The following NRG1 variants were observed in gnomAD, a reference collection of about 807,000 sequenced individuals.
NRG1 encodes the protein neuregulin 1, also known as pro-neuregulin-1, membrane-bound isoform.
Under a neutral mutation model 63.8 loss-of-function variants are expected in NRG1, and 18 were observed. The observed-to-expected ratio is 0.28, with a 90% CI of 0.19 to 0.42. NRG1 has a LOEUF of 0.42. Among genes scored for constraint, NRG1 ranks in the 10% least tolerant of loss-of-function variants. The pLI is 1.00. For synonymous variants in NRG1, 302 were observed against 301.3 expected, an observed-to-expected ratio of 1.00 and a Z score of -0.02; for missense variants, 762 against 814.7, an observed-to-expected ratio of 0.94 and a Z score of 0.79.
chr8:32,738,158 A>G (rs1014663265), intron 6 of NRG1, among the ~76,000 whole-genome samples: 2 of 152,110 alleles, frequency 1.3e-5, no homozygotes, highest in Non-Finnish European at 2.9e-5. Flanking sequence ...ACAGATCATC[A>G]CAATACAGAT....
intron 1 of NRG1, among the ~76,000 whole-genome samples, chr8:32,454,414 A>G (rs73675188): frequency 0.021 from 3,256 of 152,048 alleles, 128 homozygotes; most frequent in African/African-American, 0.074. Flanking sequence ...TTTGACATGT[A>G]TTATTTGATG....
intron 1 of NRG1, among the ~76,000 whole-genome samples, chr8:31,960,163 G>A (rs1440711609): frequency 2.6e-5 from 4 of 152,190 alleles, no homozygotes; most frequent in Non-Finnish European, 5.9e-5. Context: ...GATTACTAAT[G>A]ACAGGTTGGA....
rs1253888808 is a variant in NRG1 at position 31,913,381 on chromosome 8, A to G, written c.37+273950A>G. Among the ~76,000 whole-genome samples the G allele has an allele frequency of 2.0e-5, 3 of 152,086 alleles. No homozygotes were observed. In the East Asian group the frequency reaches 5.8e-4, roughly 29 times the overall value. On this transcript the variant is annotated intron_variant, in intron 1 of 10. Coordinates refer to the NRG1 transcript ENST00000519301. ...CCATATGCCATATTTCTTTACAAAT[A>G]TTTTCCCATCATTCTTAGAAATAAA...
At chr8:31,858,373 A>G (rs1340769076) in intron 1 of NRG1, among the ~76,000 whole-genome samples, 1 of 152,202 alleles carries the variant, frequency 6.6e-6, no homozygotes, top group Non-Finnish European at 1.5e-5. Flanking sequence ...ATTTGAAGAA[A>G]ATTGGAAAGG....
chr8:31,749,599 T>C (rs905360099), intron 1 of NRG1, among the ~76,000 whole-genome samples: 1 of 151,964 alleles, frequency 6.6e-6, no homozygotes, highest in African/African-American at 2.4e-5. Context: ...TTTTTTCTTT[T>C]TCTTTTGTGC....
chr8:32,200,752 T>C (rs964754171), intron 1 of NRG1, among the ~76,000 whole-genome samples: 3 of 152,208 alleles, frequency 2.0e-5, no homozygotes, highest in Non-Finnish European at 4.4e-5. Context: ...CCTCGGCATG[T>C]AGAGTCTCAC....
intron 1 of NRG1, among the ~76,000 whole-genome samples, chr8:31,780,330 C>A (rs1178176257): frequency 2.0e-5 from 3 of 152,152 alleles, no homozygotes; most frequent in African/African-American, 7.2e-5. Context: ...CATGAAGCCA[C>A]ATTTTGGGCT....
At chr8:32,261,295 G>A (rs1850336493) in intron 1 of NRG1, among the ~76,000 whole-genome samples, 4 of 151,622 alleles carry the variant, frequency 2.6e-5, no homozygotes, top group Admixed American at 6.6e-5. Context: ...AGAATAACAC[G>A]TGTGTTACTA....
At chr8:31,913,289 TC>T (rs1293544387) in intron 1 of NRG1, among the ~76,000 whole-genome samples, 2 of 152,178 alleles carry the variant, frequency 1.3e-5, no homozygotes, top group African/African-American at 4.8e-5. Context: ...GGTGTGCTCT[TC>T]CCTCTTTATT....
At chr8:32,756,290 A>T in intron 8 of NRG1, 113 bp from the exon 9 acceptor site, 1 of 1,182,686 alleles carries the variant, frequency 8.5e-7, no homozygotes, top group South Asian at 1.6e-5. Context: ...CCTCTTCCTC[A>T]TCACCAGTCT....
At chr8:31,943,254 A>G (rs181000845) in intron 1 of NRG1, among the ~76,000 whole-genome samples, 34 of 152,292 alleles carry the variant, frequency 2.2e-4, no homozygotes, top group African/African-American at 7.9e-4. Flanking sequence ...GGAATTGGAG[A>G]TTATTATTCT....
At chr8:31,742,489 G>A (rs1815396758) in intron 1 of NRG1, among the ~76,000 whole-genome samples, 1 of 27,218 alleles carries the variant, frequency 3.7e-5, no homozygotes, top group South Asian at 6.5e-4. Context: ...TTTAACGAAA[G>A]CTATTGTCTT....
intron 1 of NRG1, among the ~76,000 whole-genome samples, chr8:32,151,967 A>G (rs1445122430): frequency 1.1e-4 from 16 of 152,236 alleles, no homozygotes; most frequent in Admixed American, 1.0e-3. Flanking sequence ...AGCCCCATCT[A>G]GACATGCCTT....
At chr8:31,653,050 C>G (rs1273515107) in intron 1 of NRG1, among the ~76,000 whole-genome samples, 1 of 134,918 alleles carries the variant, frequency 7.4e-6, no homozygotes, top group Admixed American at 8.0e-5. Context: ...CTCCTCTCCT[C>G]TCCTCTTGTC....
chr8:32,580,346 A>G (rs1032086034), intron 1 of NRG1, among the ~76,000 whole-genome samples: 1 of 152,152 alleles, frequency 6.6e-6, no homozygotes, highest in Non-Finnish European at 1.5e-5. Flanking sequence ...ATTTGTTTCC[A>G]CTTGTCTCAA....
intron 1 of NRG1, among the ~76,000 whole-genome samples, chr8:31,665,654 T>A (rs1239815237): frequency 6.6e-6 from 1 of 152,228 alleles, no homozygotes; most frequent in Non-Finnish European, 1.5e-5. Context: ...GTGATTTACG[T>A]AGTCAACCTT....
At chr8:31,871,860 T>C (rs1276848528) in intron 1 of NRG1, among the ~76,000 whole-genome samples, 1 of 152,248 alleles carries the variant, frequency 6.6e-6, no homozygotes, top group Non-Finnish European at 1.5e-5. Context: ...TTGCTTTTAC[T>C]GTGACAACTT....
At chr8:31,897,839 A>C (rs1409629634) in intron 1 of NRG1, among the ~76,000 whole-genome samples, 1 of 146,422 alleles carries the variant, frequency 6.8e-6, no homozygotes, top group Non-Finnish European at 1.5e-5. Flanking sequence ...ACATGTTGAA[A>C]CCCTATTTCT....
At chr8:32,470,493 C>T (rs555776544) in intron 1 of NRG1, among the ~76,000 whole-genome samples, 1 of 151,882 alleles carries the variant, frequency 6.6e-6, no homozygotes, top group Non-Finnish European at 1.5e-5. Flanking sequence ...CGTGAGCCAC[C>T]GCGCCCGACC....
Sources: allele counts gnomAD v4.1 joint callset (sites outside exome capture counted in the v4.1 genomes callset), GRCh38; gene constraint gnomAD v4.1.1; transcripts MANE v1.5; gene names NCBI Gene and HGNC (gene_info 2026-07-23, HGNC 2026-07-21).